The following VWF variants were observed in gnomAD, a reference collection of about 807,000 sequenced individuals.
VWF encodes the protein Factor VIII related antigen.
In VWF, 176 loss-of-function variants were observed where a neutral mutation model predicts 308.6. The observed-to-expected ratio is 0.57, with a 90% CI of 0.50 to 0.65. VWF has a LOEUF of 0.65. Ranked by LOEUF, VWF falls within the 30% of genes least tolerant of loss-of-function variation. VWF has a pLI of 0.00. For synonymous variants in VWF, 1,385 were observed against 1,443.4 expected, an observed-to-expected ratio of 0.96 and a Z score of 0.92; for missense variants, 3,146 against 3,648.2, an observed-to-expected ratio of 0.86 and a Z score of 3.55.
At chr12:5,983,605 A>G (rs1443887253) in intron 40 of VWF, among the ~76,000 whole-genome samples, 1 of 152,012 alleles carries the variant, frequency 6.6e-6, no homozygotes, top group African/African-American at 2.4e-5. Context: ...TAGATGATAA[A>G]ACATAGGGTA....
Position 6,029,495 on chromosome 12 carries a change from G to A in VWF, c.2821-7C>T. ...TGGGCCTCTTCACATTCACCTGGAGGAAGACAAAGCAAGAAATCCAGGAGG... is the reference window on the plus strand; with the variant it reads ...TGGGCCTCTTCACATTCACCTGGAGAAAGACAAAGCAAGAAATCCAGGAGG... On this transcript the variant is annotated splice_polypyrimidine_tract_variant and splice_region_variant and intron_variant, in intron 21 of 51. Transcript: ENST00000261405. 6.2e-7 allele frequency: 1 copy of A among 1,614,060 alleles called. No homozygotes were observed. The highest frequency in any genetic ancestry group is 8.5e-7 in the Non-Finnish European group (1 of 1,179,986).
chr12:6,013,304 G>GGGC (rs1300542451), intron 32 of VWF, among the ~76,000 whole-genome samples, 177 bp downstream of exon 32: 1 of 152,184 alleles, frequency 6.6e-6, no homozygotes, highest in African/African-American at 2.4e-5. Context: ...GGGGCTTGTG[G>GGGC]TATACACCTC....
rs1318746837 is a variant in VWF at position 5,969,232 on chromosome 12, A to T, written c.7708T>A (p.Cys2570Ser). 3 of 1,613,796 alleles carry T rather than the reference A, an allele frequency of 1.9e-6. No individual in the cohort carries two copies. Among genetic ancestry groups the T allele is most frequent in the Non-Finnish European group, 1.7e-6 (2 of 1,179,926 alleles). Residue 2570 changes from cysteine (C) to serine (S), a missense_variant, in exon 45 of 52, where the codon TGC becomes AGC. By Grantham distance (112) the Cys-to-Ser change is moderately radical. Transcript: ENST00000261405. ...TTACCACAGCGACAGCTTGGGCAGC[A>T]CGCTGAGGTCTTACAGCTCAGCTGA... ...GFQLSCKTSACCPSCRCERME... is the reference protein window; with the variant it reads ...GFQLSCKTSASCPSCRCERME...
intron 6 of VWF, among the ~76,000 whole-genome samples, chr12:6,093,321 C>T (rs1345870061): frequency 6.6e-6 from 1 of 152,114 alleles, no homozygotes; most frequent in Admixed American, 6.6e-5. Context: ...AGGAATGGCC[C>T]TCAGCCCAAG....
At chr12:6,085,457 T>G (rs1420098298) in intron 6 of VWF, among the ~76,000 whole-genome samples, 1 of 152,190 alleles carries the variant, frequency 6.6e-6, no homozygotes, top group African/African-American at 2.4e-5. Flanking sequence ...GAATATGCAC[T>G]TATGGGCACC....
Position 5,994,034 on chromosome 12 carries a change from G to A in VWF, c.6426C>T (p.Leu2142=), listed in dbSNP as rs1220334524. The change falls in exon 37 of 52, where the codon CTC becomes CTT. Residue 2142 remains leucine (L), a synonymous_variant. Coordinates refer to ENST00000261405, the MANE Select transcript of VWF (RefSeq NM_000552.5). ...GGCATTCAGCAAACAGTGGTAAGAG[G>A]AGGACCTGGCAGTGGGAGCTGTCGG... The part of the protein sequence containing the change: ...LVPDSSHCQV[L]LLPLFAECHK... 2.5e-6 allele frequency: 4 copies of A among 1,614,190 alleles called. No homozygotes were observed. Among genetic ancestry groups the A allele is most frequent in the Non-Finnish European group, 3.4e-6 (4 of 1,180,044 alleles).
In VWF at chr12:6,075,405, G is replaced by C. The variant is rs1429424895; in HGVS notation, c.804C>G (p.Leu268=). The C allele has an allele frequency of 2.5e-6, 4 of 1,613,966 alleles. No homozygotes were observed. Among genetic ancestry groups the C allele is most frequent in the African/African-American group, 1.3e-5 (1 of 74,892 alleles). ...AGGLECACPA[L]LEYARTCAQE... ...GGGCACAGGTCCGGGCGTACTCCAGGAGGGCAGGGCAGGCGCACTCCAGCC... is the reference window on the plus strand; with the variant it reads ...GGGCACAGGTCCGGGCGTACTCCAGCAGGGCAGGGCAGGCGCACTCCAGCC... Residue 268 remains leucine, a synonymous_variant, in exon 7 of 52, where the codon CTC becomes CTG. Coordinates refer to ENST00000261405, the MANE Select transcript of VWF (RefSeq NM_000552.5). The surrounding 1 kb of genome is among the most constrained non-coding windows in gnomAD (Gnocchi z 4.7).
chr12:6,105,539 T>C (rs908607382), intron 5 of VWF, among the ~76,000 whole-genome samples: 8 of 152,192 alleles, frequency 5.3e-5, no homozygotes, highest in African/African-American at 1.9e-4. Context: ...CCCGGCCTTA[T>C]ACAAATTTTT....
intron 44 of VWF, among the ~76,000 whole-genome samples, chr12:5,970,498 G>C (rs1476914555): frequency 1.3e-5 from 2 of 152,148 alleles, no homozygotes; most frequent in Non-Finnish European, 2.9e-5. Flanking sequence ...CCCCTGATCT[G>C]AGCTGGACCT....
intron 20 of VWF, among the ~76,000 whole-genome samples, chr12:6,032,482 C>CAA (rs71929888): frequency 6.7e-6 from 1 of 149,778 alleles, no homozygotes; most frequent in African/African-American, 2.5e-5. Flanking sequence ...TACTAAAATA[C>CAA]AAAAAATTAG....
At chr12:6,062,925 G>C in intron 13 of VWF, 29 bp downstream of exon 13, 1 of 1,591,672 alleles carries the variant, frequency 6.3e-7, no homozygotes, top group Non-Finnish European at 8.6e-7. Context: ...TCGGGCCGCA[G>C]GGAGCCAGTA....
intron 5 of VWF, among the ~76,000 whole-genome samples, chr12:6,109,303 A>T (rs1404099546): frequency 4.0e-5 from 6 of 150,348 alleles, no homozygotes; most frequent in Admixed American, 6.6e-5. Context: ...TTACATATAT[A>T]CACACATATA....
At chr12:5,989,388 T>A (rs1388686161) in intron 38 of VWF, among the ~76,000 whole-genome samples, 1 of 152,232 alleles carries the variant, frequency 6.6e-6, no homozygotes, top group Non-Finnish European at 1.5e-5. Flanking sequence ...TTAATGGAAA[T>A]GTTCTTCACA....
chr12:6,066,328 T>C (rs1217626597), intron 10 of VWF, among the ~76,000 whole-genome samples: 1 of 152,228 alleles, frequency 6.6e-6, no homozygotes, highest in African/African-American at 2.4e-5. Flanking sequence ...GAAAAGGGCA[T>C]CTGGATCCCT....
intron 43 of VWF, among the ~76,000 whole-genome samples, chr12:5,974,124 T>C (rs1437135802): frequency 1.3e-5 from 2 of 152,178 alleles, no homozygotes; most frequent in Non-Finnish European, 2.9e-5. Context: ...CCGGCATATA[T>C]GAGCCCAAGT....
rs61750083 is a variant in VWF, at chr12:6,019,145, T to A, written c.4273A>T (p.Ile1425Phe). 1 of 1,613,876 alleles carries A rather than the reference T, an allele frequency of 6.2e-7. No individual in the cohort carries two copies. The highest frequency in any genetic ancestry group is 1.7e-5 in the Admixed American group (1 of 60,006). The change falls in exon 28 of 52, where the codon ATC (isoleucine) becomes TTC (phenylalanine). Residue 1425 changes from isoleucine to phenylalanine, a missense_variant. By Grantham distance (21) the Ile-to-Phe change is conservative. Coordinates refer to ENST00000261405, the MANE Select transcript of VWF (RefSeq NM_000552.5). This position sits in a 1 kb window ranked among gnomAD's most constrained non-coding sequence, Gnocchi z 5.8. ...GGGGCCTGCTTCTCGATGAGGCGGA[T>A]CTGCTTGAGGTTGGCATGGGGCCCA... ...GIGPHANLKQ[I>F]RLIEKQAPEN...
At chr12:6,084,928 C>T (rs1591907921) in intron 6 of VWF, among the ~76,000 whole-genome samples, 1 of 152,304 alleles carries the variant, frequency 6.6e-6, no homozygotes, top group South Asian at 2.1e-4. Context: ...AAGATTCCCA[C>T]CCGCATTCCA....
intron 31 of VWF, among the ~76,000 whole-genome samples, chr12:6,014,385 C>A (rs1211877977): frequency 1.3e-5 from 2 of 152,084 alleles, no homozygotes; most frequent in East Asian, 3.9e-4. Flanking sequence ...CTGCAGGGGA[C>A]AAAGGTGGAA....
intron 47 of VWF, among the ~76,000 whole-genome samples, chr12:5,956,146 G>A (rs1438465805): frequency 6.6e-6 from 1 of 152,154 alleles, no homozygotes; most frequent in East Asian, 1.9e-4. Flanking sequence ...CCATGTTTGT[G>A]GTGATGCAGG....
Sources: allele counts gnomAD v4.1 joint callset (sites outside exome capture counted in the v4.1 genomes callset), GRCh38; gene constraint gnomAD v4.1.1; non-coding constraint Gnocchi (gnomAD v3.1); transcripts MANE v1.5; gene names NCBI Gene and HGNC (gene_info 2026-07-23, HGNC 2026-07-21).